CYP7B1: variants seen among roughly 807,000 people sequenced by gnomAD.
CYP7B1 encodes the protein cytochrome P450 family 7 subfamily B member 1, also known as cytochrome P450 7B1.
In CYP7B1, 29 loss-of-function variants were observed where a neutral mutation model predicts 42.7. The ratio of observed to expected loss-of-function variants is 0.68; its 90% CI spans 0.51 to 0.93. The LOEUF (loss-of-function observed/expected upper bound fraction) is 0.93, where lower values mean the gene tolerates loss of function less well. CYP7B1 is among the 40% of genes least tolerant of loss of function. The probability of loss-of-function intolerance (pLI) is 0.00; values close to 1 mark genes in which losing one functional copy is unlikely to be tolerated. For synonymous variants in CYP7B1, 235 were observed against 218.2 expected (o/e 1.08, Z -0.68); for missense variants, 655 against 600.5 (o/e 1.09, Z -0.95).
chr8:64,615,208 G>A lies in CYP7B1; in HGVS notation c.875C>T (p.Ala292Val). Residue 292 changes from alanine to valine, a missense_variant, in exon 4 of 6, where the codon GCC becomes GTC. By Grantham distance (64) the Ala-to-Val change is moderately conservative. Transcript: ENST00000310193. Reference sequence around the variant, plus strand: ...AGTTGGAATAGTGTTTGCCACAGAGGCCCAGAGAAAGCCTAAATGATGTGC... The same window carrying A: ...AGTTGGAATAGTGTTTGCCACAGAGACCCAGAGAAAGCCTAAATGATGTGC... ...IGAHHLGFLWASVANTIPTMF... is the reference protein window; with the variant it reads ...IGAHHLGFLWVSVANTIPTMF... The A allele has an allele frequency of 6.2e-7, 1 of 1,613,182 alleles. No individual in the cohort carries two copies. Among genetic ancestry groups the A allele is most frequent in the Non-Finnish European group, 8.5e-7 (1 of 1,179,510 alleles).
At chr8:64,686,246 G>A (rs1426239427) in intron 1 of CYP7B1, among the ~76,000 whole-genome samples, 1 of 47,726 alleles carries the variant, frequency 2.1e-5, no homozygotes, top group African/African-American at 7.6e-5. Context: ...TCGGCCCCCC[G>A]CCCGGCCAGC....
chr8:64,591,423 A>G lies in CYP7B1; in HGVS notation c.*5219T>C, dbSNP rs1805031503. ...AAATTTAATAGGTTAAAAAATGCACATTCTAAGGGCATGTAATTCCTGTTC... is the reference window on the plus strand; with the variant it reads ...AAATTTAATAGGTTAAAAAATGCACGTTCTAAGGGCATGTAATTCCTGTTC... On this transcript the variant is annotated 3_prime_UTR_variant, in exon 6 of 6. Transcript: ENST00000310193. 6.6e-6 allele frequency among the ~76,000 whole-genome samples: 1 copy of G among 152,212 alleles called. No homozygotes were observed. The highest frequency in any genetic ancestry group is 1.5e-5 in the Non-Finnish European group (1 of 68,016).
chr8:64,798,454 C>G lies in CYP7B1; in HGVS notation c.122+12G>C. ...CAGGGCGCATGCGTGGCCTGGCGGC[C>G]GAGGCGCTTACCTGGTGCGCCGGAC... On this transcript the variant is annotated intron_variant, in intron 1 of 5. Transcript: ENST00000310193. 2 of 1,508,630 alleles carry G rather than the reference C, an allele frequency of 1.3e-6. No individual in the cohort carries two copies. Among genetic ancestry groups the G allele is most frequent in the Non-Finnish European group, 1.8e-6 (2 of 1,137,152 alleles). 93.5% of individuals were successfully genotyped at this position (1,508,630 alleles called of 1,614,324 possible). A position where few individuals can be genotyped will look rare whatever the true frequency, so the allele number is the denominator to read the frequency against.
At chr8:64,675,240 A>G (rs4406437) in intron 1 of CYP7B1, among the ~76,000 whole-genome samples, 73,850 of 151,762 alleles carry the variant, frequency 0.49, 19,293 homozygotes, top group Non-Finnish European at 0.57. Context: ...TCCTTCTACT[A>G]GGTCCTTCAT....
At chr8:64,634,596 A>G (rs954767953) in intron 1 of CYP7B1, among the ~76,000 whole-genome samples, 7 of 151,954 alleles carry the variant, frequency 4.6e-5, no homozygotes, top group Non-Finnish European at 8.8e-5. Context: ...AAAAAAAAAA[A>G]AAAGAAAGAA....
chr8:64,648,554 T>C (rs1805988652), intron 1 of CYP7B1, among the ~76,000 whole-genome samples: 2 of 152,216 alleles, frequency 1.3e-5, no homozygotes, highest in East Asian at 1.9e-4. Context: ...GCTTGTTAAG[T>C]GATGTCTTGA....
At chr8:64,744,464 A>T (rs1421800298) in intron 1 of CYP7B1, among the ~76,000 whole-genome samples, 5 of 152,196 alleles carry the variant, frequency 3.3e-5, no homozygotes, top group Non-Finnish European at 5.9e-5. Flanking sequence ...AGTAACACCA[A>T]GACAATTTAA....
intron 1 of CYP7B1, among the ~76,000 whole-genome samples, chr8:64,789,250 C>T (rs571179756): frequency 2.0e-5 from 3 of 152,092 alleles, no homozygotes; most frequent in African/African-American, 7.2e-5. Flanking sequence ...TTTTTTTAAG[C>T]CTAAACTGCT....
intron 2 of CYP7B1, among the ~76,000 whole-genome samples, chr8:64,622,845 G>A (rs1281031736): frequency 6.6e-6 from 1 of 152,110 alleles, no homozygotes; most frequent in South Asian, 2.1e-4. Flanking sequence ...GAGAAACGTA[G>A]GTACATTTGG....
intron 1 of CYP7B1, among the ~76,000 whole-genome samples, chr8:64,713,650 A>C (rs1345154404): frequency 1.3e-5 from 2 of 152,172 alleles, no homozygotes. Flanking sequence ...AAGAAATAGC[A>C]ACAGAAACTA....
chr8:64,760,953 T>G (rs1807880835), intron 1 of CYP7B1, among the ~76,000 whole-genome samples: 1 of 152,158 alleles, frequency 6.6e-6, no homozygotes, highest in Admixed American at 6.5e-5. Flanking sequence ...ATAACCTAAG[T>G]GTCTGTCAAT....
chr8:64,618,699 A>G (rs1177754031), intron 2 of CYP7B1, among the ~76,000 whole-genome samples: 6 of 152,076 alleles, frequency 3.9e-5, no homozygotes, highest in African/African-American at 1.4e-4. Context: ...GTTAATTTCA[A>G]ATAAAAGGAA....
chr8:64,762,962 C>T (rs1352376039), intron 1 of CYP7B1, among the ~76,000 whole-genome samples: 1 of 152,142 alleles, frequency 6.6e-6, no homozygotes, highest in Non-Finnish European at 1.5e-5. Flanking sequence ...TATGGGCAAC[C>T]CCCTTTGGGT....
chr8:64,687,730 A>T (rs1806677497), intron 1 of CYP7B1, among the ~76,000 whole-genome samples: 1 of 152,238 alleles, frequency 6.6e-6, no homozygotes, highest in African/African-American at 2.4e-5. Flanking sequence ...TTACTTTAAA[A>T]ATCACTCCTT....
intron 1 of CYP7B1, among the ~76,000 whole-genome samples, chr8:64,708,235 G>T (rs1285090573): frequency 2.0e-5 from 3 of 152,056 alleles, no homozygotes; most frequent in Non-Finnish European, 4.4e-5. Flanking sequence ...GAAATTTTAG[G>T]ATGGTTTCAG....
chr8:64,776,927 C>T (rs1804335960), intron 1 of CYP7B1, among the ~76,000 whole-genome samples: 2 of 152,100 alleles, frequency 1.3e-5, no homozygotes, highest in Non-Finnish European at 2.9e-5. Context: ...CATACTTTTG[C>T]ACAATTGTCT....
At chr8:64,682,244 G>A (rs1806549672) in intron 1 of CYP7B1, among the ~76,000 whole-genome samples, 1 of 152,190 alleles carries the variant, frequency 6.6e-6, no homozygotes, top group African/African-American at 2.4e-5. Flanking sequence ...GCTGGGATGG[G>A]AGTCGTGGAT....
At chr8:64,758,040 C>T (rs1040039373) in intron 1 of CYP7B1, among the ~76,000 whole-genome samples, 2 of 152,140 alleles carry the variant, frequency 1.3e-5, no homozygotes, top group African/African-American at 4.8e-5. Flanking sequence ...TCCCTAGGGT[C>T]GCATTCCCAA....
At chr8:64,605,149 G>A (rs557887608) in intron 4 of CYP7B1, among the ~76,000 whole-genome samples, 2 of 152,262 alleles carry the variant, frequency 1.3e-5, no homozygotes, top group South Asian at 2.1e-4. Flanking sequence ...TGCTAGAGAG[G>A]AATGTTGTGT....
Sources: gnomAD v4.1 joint callset for allele counts (sites outside exome capture counted in the v4.1 genomes callset) on GRCh38, gnomAD v4.1.1 for gene constraint, MANE v1.5 for transcripts, NCBI Gene and HGNC (gene_info 2026-07-23, HGNC 2026-07-21) for gene names.